NEGR1: variants seen among roughly 807,000 people sequenced by gnomAD.
NEGR1 encodes neuronal growth regulator 1.
Under a neutral mutation model 40.9 loss-of-function variants are expected in NEGR1, and 10 were observed. That is an observed-to-expected ratio of 0.24 (90% CI 0.15 to 0.42). The LOEUF (loss-of-function observed/expected upper bound fraction) is 0.42. Among genes scored for constraint, NEGR1 ranks in the 10% least tolerant of loss-of-function variants. The pLI is 1.00. For missense variants in NEGR1, 352 were observed against 438.9 expected (o/e 0.80, Z 1.77); for synonymous variants, 185 against 166.8 (o/e 1.11, Z -0.84).
rs1646259278 is a variant in NEGR1 at position 71,403,605 on chromosome 1, A to G, written c.*3841T>C. 3.7e-6 allele frequency: 1 copy of G among 267,216 alleles called. No homozygotes were observed. The highest frequency in any genetic ancestry group is 1.1e-3 in the Middle Eastern group (1 of 932). The allele number at this position is 267,216 out of a possible 1,614,324, so 16.6% of individuals were successfully genotyped here. A position where few individuals can be genotyped will look rare whatever the true frequency, so the allele number is the denominator to read the frequency against. On this transcript the variant is annotated 3_prime_UTR_variant, in exon 7 of 7. Transcript: ENST00000357731. ...GTAGCATCTAGAATTTTTACCCTGTACTGCTTTAGAGTAAGCAGAAAGATG... is the reference window on the plus strand; with the variant it reads ...GTAGCATCTAGAATTTTTACCCTGTGCTGCTTTAGAGTAAGCAGAAAGATG...
At chr1:72,254,978 A>T (rs2100536095) in intron 1 of NEGR1, among the ~76,000 whole-genome samples, 1 of 152,248 alleles carries the variant, frequency 6.6e-6, no homozygotes, top group Admixed American at 6.5e-5. Flanking sequence ...ATGTCTATCT[A>T]CATTTCAATA....
At chr1:71,573,926 T>C (rs1648880684) in intron 6 of NEGR1, among the ~76,000 whole-genome samples, 1 of 152,208 alleles carries the variant, frequency 6.6e-6, no homozygotes, top group Admixed American at 6.5e-5. Context: ...TTTTTATCTC[T>C]ATATATCTGC....
intron 5 of NEGR1, among the ~76,000 whole-genome samples, chr1:71,594,024 T>C (rs1570079503): frequency 6.6e-6 from 1 of 152,328 alleles, no homozygotes; most frequent in East Asian, 1.9e-4. Context: ...ATTTGAATCC[T>C]ACAAAGCACT....
chr1:72,065,858 G>C (rs1647259967), intron 1 of NEGR1, among the ~76,000 whole-genome samples: 1 of 151,964 alleles, frequency 6.6e-6, no homozygotes, highest in African/African-American at 2.4e-5. Context: ...TTGCCCATAA[G>C]CAAAATTAGG....
intron 2 of NEGR1, among the ~76,000 whole-genome samples, chr1:71,786,430 A>G (rs1656910228): frequency 6.6e-6 from 1 of 152,140 alleles, no homozygotes; most frequent in African/African-American, 2.4e-5. Context: ...TGTGCTCTAG[A>G]AAGGGAGTGA....
At chr1:71,692,039 C>A (rs537035097) in intron 4 of NEGR1, among the ~76,000 whole-genome samples, 1 of 151,784 alleles carries the variant, frequency 6.6e-6, no homozygotes, top group Non-Finnish European at 1.5e-5. Context: ...GCACTTGTCA[C>A]ACTGTATTAA....
chr1:72,105,485 C>T lies in NEGR1; in HGVS notation c.177-170174G>A, dbSNP rs532581922. On this transcript the variant is annotated intron_variant, in intron 1 of 6. Transcript: ENST00000357731. Reference sequence around the variant, plus strand: ...GTGGGGGGCCGAGGCAGGAGGATTGCTTGGGCCCAGGAGTTTGAGAAAAGT... The same window carrying T: ...GTGGGGGGCCGAGGCAGGAGGATTGTTTGGGCCCAGGAGTTTGAGAAAAGT... 2.0e-5 allele frequency among the ~76,000 whole-genome samples: 3 copies of T among 151,964 alleles called. No homozygotes were observed. In the East Asian group the frequency reaches 5.8e-4, roughly 30 times the overall value.
At chr1:72,200,508 A>T (rs1337345450) in intron 1 of NEGR1, among the ~76,000 whole-genome samples, 3 of 151,816 alleles carry the variant, frequency 2.0e-5, no homozygotes, top group African/African-American at 7.2e-5. Flanking sequence ...GATATTGTAG[A>T]CTCATTGAGC....
chr1:72,111,073 CATAT>C (rs545780102), intron 1 of NEGR1, among the ~76,000 whole-genome samples: 29 of 138,392 alleles, frequency 2.1e-4, no homozygotes, highest in African/African-American at 4.0e-4. Context: ...TATACATACA[CATAT>C]ATATATATAC....
intron 1 of NEGR1, among the ~76,000 whole-genome samples, chr1:72,156,189 G>T (rs151000675): frequency 6.6e-6 from 1 of 152,096 alleles, no homozygotes; most frequent in Non-Finnish European, 1.5e-5. Flanking sequence ...AACGTGTTCT[G>T]ACTCTATCTG....
At position 72,137,664 on chromosome 1, in the gene NEGR1, A is replaced by G. The variant is rs551966572; in HGVS notation, c.176+144655T>C. 1.8e-4 allele frequency among the ~76,000 whole-genome samples: 27 copies of G among 152,298 alleles called. No individual in the cohort carries two copies. The East Asian group carries it at 5.2e-3, about 29-fold the overall frequency. On this transcript the variant is annotated intron_variant, in intron 1 of 6. Coordinates refer to ENST00000357731, the MANE Select transcript of NEGR1 (RefSeq NM_173808.3). ...AAGTTGATGAGTGCAGCAAACCAAC[A>G]TGGCACATGTAGACCTATGTAACAA...
At chr1:71,996,159 A>T (rs1646503211) in intron 1 of NEGR1, among the ~76,000 whole-genome samples, 1 of 152,168 alleles carries the variant, frequency 6.6e-6, no homozygotes, top group Non-Finnish European at 1.5e-5. Context: ...ATATGAAATA[A>T]CATTTACAAC....
chr1:71,712,712 C>T (rs1557623958), intron 3 of NEGR1, among the ~76,000 whole-genome samples: 1 of 151,982 alleles, frequency 6.6e-6, no homozygotes, highest in Non-Finnish European at 1.5e-5. Context: ...CCCTGGTATC[C>T]CTGCCCAAAT....
At chr1:71,979,190 A>C (rs984999273) in intron 1 of NEGR1, among the ~76,000 whole-genome samples, 2 of 152,032 alleles carry the variant, frequency 1.3e-5, no homozygotes, top group Non-Finnish European at 2.9e-5. Context: ...GGAACAACAG[A>C]CCCTGGGGCC....
intron 1 of NEGR1, among the ~76,000 whole-genome samples, chr1:72,185,520 A>G (rs1448457108): frequency 6.6e-6 from 1 of 151,928 alleles, no homozygotes; most frequent in Non-Finnish European, 1.5e-5. Flanking sequence ...GAGCTGTAGA[A>G]TGGCTGAGCG....
chr1:72,071,737 G>C (rs1486845381), intron 1 of NEGR1, among the ~76,000 whole-genome samples: 1 of 151,960 alleles, frequency 6.6e-6, no homozygotes, highest in African/African-American at 2.4e-5. Flanking sequence ...TCTTTCAAAG[G>C]GGTCTTTTCC....
At chr1:71,479,823 T>C (rs1398724000) in intron 6 of NEGR1, among the ~76,000 whole-genome samples, 1 of 152,018 alleles carries the variant, frequency 6.6e-6, no homozygotes, top group Non-Finnish European at 1.5e-5. Context: ...AATATTGTTA[T>C]CGATTTTGTT....
chr1:72,198,065 G>A (rs141981927), intron 1 of NEGR1, among the ~76,000 whole-genome samples: 1 of 152,114 alleles, frequency 6.6e-6, no homozygotes, highest in Non-Finnish European at 1.5e-5. Context: ...TCTATAATTG[G>A]TGGGAGAATA....
chr1:71,676,487 G>C (rs1460150320), intron 4 of NEGR1, among the ~76,000 whole-genome samples: 1 of 152,132 alleles, frequency 6.6e-6, no homozygotes, highest in Non-Finnish European at 1.5e-5. Flanking sequence ...GTAAGACAAG[G>C]AAACAGCAAC....
Sources: allele counts gnomAD v4.1 joint callset (sites outside exome capture counted in the v4.1 genomes callset), GRCh38; gene constraint gnomAD v4.1.1; transcripts MANE v1.5; gene names NCBI Gene and HGNC (gene_info 2026-07-23, HGNC 2026-07-21).